PTGFRN: variants seen among roughly 807,000 people sequenced by gnomAD.
PTGFRN encodes the protein prostaglandin F2 receptor negative regulator.
Under a neutral mutation model 83.2 loss-of-function variants are expected in PTGFRN, and 35 were observed. The ratio of observed to expected loss-of-function variants is 0.42; its 90% CI spans 0.32 to 0.56. The LOEUF is 0.56. Among genes scored for constraint, PTGFRN ranks in the 20% least tolerant of loss-of-function variants. The pLI is 0.11. For missense variants in PTGFRN, 1,051 were observed against 1,179.5 expected (o/e 0.89, Z 1.60); for synonymous variants, 519 against 498.6 (o/e 1.04, Z -0.55).
In PTGFRN at chr1:116,909,962, G is replaced by C; in HGVS notation, c.-242G>C. On this transcript the variant is annotated 5_prime_UTR_variant, in exon 1 of 9. Transcript: ENST00000393203. ...GTCGGGGCTGCACACTCGGATCGGC[G>C]GGGCCGGCTCCCGGGCCCGGCCGGC... 1.8e-6 allele frequency: 1 copy of C among 569,464 alleles called. No individual in the cohort carries two copies. Among genetic ancestry groups the C allele is most frequent in the Non-Finnish European group, 3.1e-6 (1 of 322,442 alleles). The allele number at this position is 569,464 out of a possible 1,614,324, so 35.3% of individuals were successfully genotyped here. A position where few individuals can be genotyped will look rare whatever the true frequency, so the allele number is the denominator to read the frequency against.
chr1:116,976,819 C>T (rs567436234), intron 7 of PTGFRN, among the ~76,000 whole-genome samples: 13 of 152,234 alleles, frequency 8.5e-5, no homozygotes, highest in Non-Finnish European at 1.3e-4. Context: ...TATCAAGTAA[C>T]GAGCAAAATA....
chr1:116,935,498 G>A (rs1461473357), intron 1 of PTGFRN, among the ~76,000 whole-genome samples: 1 of 152,022 alleles, frequency 6.6e-6, no homozygotes, highest in Non-Finnish European at 1.5e-5. Context: ...GGGGGCAGGG[G>A]GTGGGGAGTG....
chr1:116,950,446 A>G (rs566628710), intron 4 of PTGFRN, among the ~76,000 whole-genome samples: 2 of 152,148 alleles, frequency 1.3e-5, no homozygotes, highest in Non-Finnish European at 2.9e-5. Flanking sequence ...TGATCTCTCT[A>G]CTGTCCGTGA....
intron 4 of PTGFRN, among the ~76,000 whole-genome samples, chr1:116,959,069 G>A (rs1167731205): frequency 2.6e-5 from 4 of 152,180 alleles, no homozygotes; most frequent in African/African-American, 7.2e-5. Context: ...GCTGCATCCT[G>A]AATTCGACAT....
chr1:116,978,561 G>T (rs1651223867), intron 7 of PTGFRN, among the ~76,000 whole-genome samples: 1 of 152,194 alleles, frequency 6.6e-6, no homozygotes, highest in Admixed American at 6.5e-5. Context: ...TGCAAGGCTG[G>T]TTCAACATAT....
intron 5 of PTGFRN, among the ~76,000 whole-genome samples, chr1:116,964,482 C>G (rs373846535): frequency 2.6e-5 from 4 of 152,036 alleles, no homozygotes; most frequent in Non-Finnish European, 4.4e-5. Context: ...TTTTTGGACC[C>G]GGAAACATTA....
chr1:116,911,132 G>A (rs747290301), intron 1 of PTGFRN, among the ~76,000 whole-genome samples: 2 of 151,564 alleles, frequency 1.3e-5, no homozygotes, highest in South Asian at 2.1e-4. Context: ...AGCCAGCCAC[G>A]GAAATATGTT....
chr1:116,920,381 A>G (rs919346565), intron 1 of PTGFRN, among the ~76,000 whole-genome samples: 1 of 152,178 alleles, frequency 6.6e-6, no homozygotes, highest in Non-Finnish European at 1.5e-5. Flanking sequence ...TTATGTGTGC[A>G]AGTTTTGATT....
In PTGFRN at chr1:116,910,237, G is replaced by T; in HGVS notation, c.34G>T (p.Ala12Ser). Residue 12 changes from alanine to serine, a missense_variant, in exon 1 of 9, where the codon GCG becomes TCG. This residue lies in a region of PTGFRN where 127 missense variants were observed against 168.4 expected (regional missense o/e 0.75). Coordinates refer to ENST00000393203, the MANE Select transcript of PTGFRN (RefSeq NM_020440.4). ...GRLASRPLLL[A>S]LLSLALCRGR... ...CCTGGCCTCGAGGCCGCTGCTGCTG[G>T]CGCTCCTGTCGTTGGGTGAGTGTGC... 6.9e-7 allele frequency: 1 copy of T among 1,456,132 alleles called. No homozygotes were observed. The highest frequency in any genetic ancestry group is 2.7e-5 in the East Asian group (1 of 36,812). The allele number at this position is 1,456,132 out of a possible 1,614,324, so 90.2% of individuals were successfully genotyped here. A position where few individuals can be genotyped will look rare whatever the true frequency, so the allele number is the denominator to read the frequency against.
At chr1:116,940,609 G>T (rs1001011162) in intron 1 of PTGFRN, among the ~76,000 whole-genome samples, 1 of 152,180 alleles carries the variant, frequency 6.6e-6, no homozygotes, top group East Asian at 1.9e-4. Context: ...TTAATAAAAG[G>T]TTCCCATTTC....
chr1:116,956,570 G>A (rs551619626), intron 4 of PTGFRN, among the ~76,000 whole-genome samples: 4 of 152,350 alleles, frequency 2.6e-5, no homozygotes, highest in South Asian at 2.1e-4. Flanking sequence ...GAAGGAAGGC[G>A]GAGCATAGGA....
rs1283904495 is a variant in PTGFRN, at chr1:116,952,602, C to G, written c.1213+3030C>G. 9.2e-5 allele frequency among the ~76,000 whole-genome samples: 14 copies of G among 152,174 alleles called. No homozygotes were observed. The East Asian group carries it at 2.3e-3, about 25-fold the overall frequency. On this transcript the variant is annotated intron_variant, in intron 4 of 8. Coordinates refer to ENST00000393203, the MANE Select transcript of PTGFRN (RefSeq NM_020440.4). This position sits in a 1 kb window ranked among gnomAD's most constrained non-coding sequence, Gnocchi z 4.0. ...ATGAATTAGTTATTATATTTGAGCA[C>G]TGAATTTGCCTCTGAAGTTCTGAAG... is the stretch of plus-strand genomic sequence containing the variant.
chr1:116,974,435 C>A, intron 7 of PTGFRN, 112 bp downstream of exon 7: 1 of 798,256 alleles, frequency 1.3e-6, no homozygotes. Flanking sequence ...TCTATTTATC[C>A]CCTAACTGCC....
rs1263637682 is a variant in PTGFRN, at chr1:116,918,749, G to A, written c.49+8497G>A. On this transcript the variant is annotated intron_variant, in intron 1 of 8. Coordinates refer to ENST00000393203, the MANE Select transcript of PTGFRN (RefSeq NM_020440.4). This position sits in a 1 kb window ranked among gnomAD's most constrained non-coding sequence, Gnocchi z 4.1. ...CATAGGTCTGTAGTAAAGGCAGTGG[G>A]CCTAGTTTCGTGGCTTTATCCCACC... Among the ~76,000 whole-genome samples, 3 of 152,218 alleles carry A rather than the reference G, an allele frequency of 2.0e-5. No homozygotes were observed. The highest frequency in any genetic ancestry group is 2.0e-4 in the Admixed American group (3 of 15,286).
At chr1:116,951,325 G>T (rs1181167664) in intron 4 of PTGFRN, among the ~76,000 whole-genome samples, 1 of 152,232 alleles carries the variant, frequency 6.6e-6, no homozygotes, top group Middle Eastern at 3.2e-3. Context: ...AGACTAAATT[G>T]TGGAAAAGGC....
chr1:116,951,705 C>T (rs1650354780), intron 4 of PTGFRN, among the ~76,000 whole-genome samples: 1 of 151,998 alleles, frequency 6.6e-6, no homozygotes, highest in South Asian at 2.1e-4. Flanking sequence ...CTTCCCTGTG[C>T]CTATGACTCA....
At chr1:116,919,991 G>C (rs1007398716) in intron 1 of PTGFRN, among the ~76,000 whole-genome samples, 1 of 152,196 alleles carries the variant, frequency 6.6e-6, no homozygotes, top group Non-Finnish European at 1.5e-5. Flanking sequence ...AGAATTCTTT[G>C]AGTTCATGCT....
At chr1:116,924,400 C>T (rs891614577) in intron 1 of PTGFRN, among the ~76,000 whole-genome samples, 8 of 152,184 alleles carry the variant, frequency 5.3e-5, no homozygotes, top group African/African-American at 1.7e-4. Flanking sequence ...CTGCCTCAGC[C>T]TCCCAAAGGG....
intron 6 of PTGFRN, among the ~76,000 whole-genome samples, chr1:116,972,171 A>G (rs1027475332): frequency 1.2e-4 from 18 of 152,196 alleles, no homozygotes; most frequent in African/African-American, 4.3e-4. Context: ...ATAAGGCCCG[A>G]GGGAGCCAGG....
Sources: gnomAD v4.1 joint callset for allele counts (sites outside exome capture counted in the v4.1 genomes callset) on GRCh38, gnomAD v4.1.1 for gene constraint, gnomAD v4.1.1 regional missense constraint, Gnocchi (gnomAD v3.1) non-coding constraint, MANE v1.5 for transcripts, NCBI Gene and HGNC (gene_info 2026-07-23, HGNC 2026-07-21) for gene names.